Variants in EFCAB6 observed in about 807,000 individuals in gnomAD.
The protein encoded by EFCAB6 is EF-hand calcium-binding domain-containing protein 6.
A neutral mutation model predicts 169.8 loss-of-function variants in EFCAB6; 156 were observed. The observed-to-expected ratio is 0.92, with a 90% CI of 0.81 to 1.05. EFCAB6 has a LOEUF of 1.05. Ranked by LOEUF, EFCAB6 falls within the 50% of genes least tolerant of loss-of-function variation. EFCAB6 has a pLI of 0.00. For synonymous variants in EFCAB6, 698 were observed against 676.4 expected (o/e 1.03, Z -0.50); for missense variants, 1,800 against 1,829.1 (o/e 0.98, Z 0.29).
At chr22:43,764,662 T>A (rs1049846764) in intron 5 of EFCAB6, among the ~76,000 whole-genome samples, 9 of 152,172 alleles carry the variant, frequency 5.9e-5, no homozygotes, top group Admixed American at 5.2e-4. Flanking sequence ...ATATAATTGG[T>A]TACACAACTC....
chr22:43,608,807 G>A (rs748298155), intron 21 of EFCAB6, among the ~76,000 whole-genome samples: 10 of 152,148 alleles, frequency 6.6e-5, no homozygotes, highest in Non-Finnish European at 8.8e-5. Context: ...ATTAGGGGTC[G>A]GAAGGGGGTG....
intron 22 of EFCAB6, among the ~76,000 whole-genome samples, chr22:43,604,394 G>A (rs2052760806): frequency 6.6e-6 from 1 of 152,164 alleles, no homozygotes; most frequent in African/African-American, 2.4e-5. Flanking sequence ...CTTAGGTAAA[G>A]CCATGCCAGA....
At chr22:43,564,458 A>G (rs2049289875) in intron 26 of EFCAB6, among the ~76,000 whole-genome samples, 1 of 133,186 alleles carries the variant, frequency 7.5e-6, no homozygotes, top group South Asian at 2.5e-4. Context: ...AGAAAAAAAA[A>G]GAAAAAAAAA....
At chr22:43,587,605 C>A (rs1216492122) in intron 24 of EFCAB6, among the ~76,000 whole-genome samples, 1 of 151,896 alleles carries the variant, frequency 6.6e-6, no homozygotes, top group Non-Finnish European at 1.5e-5. Context: ...TCAAATCTCC[C>A]TCTGCCTCCC....
At chr22:43,761,144 T>A in intron 5 of EFCAB6, among the ~76,000 whole-genome samples, 1 of 152,128 alleles carries the variant, frequency 6.6e-6, no homozygotes. Context: ...CCTTCCTCCT[T>A]CCACTCTGCA....
chr22:43,600,375 T>A, intron 22 of EFCAB6, 112 bp from the exon 23 acceptor site: 1 of 1,115,528 alleles, frequency 9.0e-7, no homozygotes, highest in Non-Finnish European at 1.3e-6. Flanking sequence ...CTTCCATCCC[T>A]CACCACTCGG....
At chr22:43,722,627 T>C (rs186767512) in intron 8 of EFCAB6, among the ~76,000 whole-genome samples, 1 of 152,238 alleles carries the variant, frequency 6.6e-6, no homozygotes, top group Non-Finnish European at 1.5e-5. Flanking sequence ...TCAGTTCAGC[T>C]ACTGTGGAAA....
intron 2 of EFCAB6, among the ~76,000 whole-genome samples, chr22:43,787,304 T>C (rs1227112944): frequency 6.6e-6 from 1 of 151,822 alleles, no homozygotes; most frequent in African/African-American, 2.4e-5. Flanking sequence ...TTGTTGTATA[T>C]ATAGAAAATC....
chr22:43,793,962 T>G (rs2062405160), intron 2 of EFCAB6, among the ~76,000 whole-genome samples: 1 of 152,192 alleles, frequency 6.6e-6, no homozygotes, highest in Non-Finnish European at 1.5e-5. Flanking sequence ...AGCAAGCATA[T>G]AGCTTTAAAA....
At chr22:43,695,313 AT>A (rs2058536588) in intron 10 of EFCAB6, among the ~76,000 whole-genome samples, 1 of 152,062 alleles carries the variant, frequency 6.6e-6, no homozygotes, top group African/African-American at 2.4e-5. Flanking sequence ...AGATCCGAAC[AT>A]TGTAAACAAT....
Position 43,784,604 on chromosome 22 carries a change from TATATATGTGTATATATACAC to T in EFCAB6, c.-7-2299_-7-2280del, listed in dbSNP as rs1569487694. On this transcript the variant is annotated intron_variant, in intron 2 of 31. Transcript: ENST00000262726. ...ACACATATATATGTATATATACACA[TATATATGTGTATATATACAC>T]ATATATATGTATATGTACACATATA... 4.9e-3 allele frequency among the ~76,000 whole-genome samples: 361 copies of T among 73,460 alleles called. 16 individuals carry two copies. The highest frequency in any genetic ancestry group is 0.017 in the African/African-American group (343 of 20,388). The allele number at this position is 73,460 out of a possible 152,430, so 48.2% of individuals were successfully genotyped here.
intron 10 of EFCAB6, among the ~76,000 whole-genome samples, chr22:43,688,674 G>A (rs369243956): frequency 1.3e-5 from 2 of 152,202 alleles, no homozygotes; most frequent in African/African-American, 4.8e-5. Flanking sequence ...ATAAGGATTA[G>A]AGCTAATAGG....
Position 43,572,527 on chromosome 22 carries a change from C to T in EFCAB6, c.3420+3770G>A, listed in dbSNP as rs553940689. On this transcript the variant is annotated intron_variant, in intron 26 of 31. Coordinates refer to ENST00000262726, the MANE Select transcript of EFCAB6 (RefSeq NM_022785.4). The surrounding 1 kb of genome is among the most constrained non-coding windows in gnomAD (Gnocchi z 4.0). ...TTTACAAGGACCCCAAGCCTACGGC[C>T]GCCTGGCTCCTTCGCTCCCTGGCCC... Among the ~76,000 whole-genome samples the T allele has an allele frequency of 9.9e-5, 15 of 152,280 alleles. No individual in the cohort carries two copies. Among genetic ancestry groups the T allele is most frequent in the South Asian group, 8.3e-4 (4 of 4,820 alleles).
chr22:43,774,074 G>C (rs754378455), intron 3 of EFCAB6, among the ~76,000 whole-genome samples: 20 of 152,008 alleles, frequency 1.3e-4, no homozygotes, highest in Non-Finnish European at 2.5e-4. Context: ...ATGTTAAAGG[G>C]CTTTAACATT....
At chr22:43,656,419 A>G (rs1569327427) in intron 17 of EFCAB6, among the ~76,000 whole-genome samples, 1 of 152,092 alleles carries the variant, frequency 6.6e-6, no homozygotes. Flanking sequence ...GAAAATTAAA[A>G]ACAATGTGGT....
chr22:43,562,535 G>T (rs1056535358), intron 26 of EFCAB6, among the ~76,000 whole-genome samples: 1 of 148,768 alleles, frequency 6.7e-6, no homozygotes, highest in Non-Finnish European at 1.5e-5. Context: ...GCCCGGTCAG[G>T]GGTGGGAGGG....
At chr22:43,600,688 G>C (rs2052445946) in intron 22 of EFCAB6, among the ~76,000 whole-genome samples, 1 of 152,044 alleles carries the variant, frequency 6.6e-6, no homozygotes, top group African/African-American at 2.4e-5. Flanking sequence ...TTTTGAGGCA[G>C]AGTCTCACTC....
intron 8 of EFCAB6, among the ~76,000 whole-genome samples, chr22:43,724,427 A>G (rs2059650405): frequency 6.9e-6 from 1 of 144,380 alleles, no homozygotes; most frequent in South Asian, 2.2e-4. Context: ...GAATGCAGTG[A>G]CACGATCTTG....
At chr22:43,587,058 G>A (rs1170303392) in intron 24 of EFCAB6, among the ~76,000 whole-genome samples, 1 of 152,208 alleles carries the variant, frequency 6.6e-6, no homozygotes, top group Non-Finnish European at 1.5e-5. Flanking sequence ...AATACCCTCA[G>A]AGGCTCTGGA....
Sources: gnomAD v4.1 joint callset for allele counts (sites outside exome capture counted in the v4.1 genomes callset) on GRCh38, gnomAD v4.1.1 for gene constraint, Gnocchi (gnomAD v3.1) non-coding constraint, MANE v1.5 for transcripts, NCBI Gene and HGNC (gene_info 2026-07-23, HGNC 2026-07-21) for gene names.